The following PTK2B variants were observed in gnomAD, a reference collection of about 807,000 sequenced individuals.
The protein encoded by PTK2B is protein tyrosine kinase 2 beta, also known as protein-tyrosine kinase 2-beta.
Under a neutral mutation model 142.9 loss-of-function variants are expected in PTK2B, and 71 were observed. That is an observed-to-expected ratio of 0.50 (90% CI 0.41 to 0.61). The LOEUF is 0.61. Ranked by LOEUF, PTK2B falls within the 20% of genes least tolerant of loss-of-function variation. The pLI is 0.00. For synonymous variants in PTK2B, 519 were observed against 503.4 expected (o/e 1.03, Z -0.42); for missense variants, 1,105 against 1,320.4 (o/e 0.84, Z 2.53).
In PTK2B at chr8:27,401,193, G is replaced by A. The variant is rs890125448; in HGVS notation, c.204+3405G>A. Among the ~76,000 whole-genome samples, 7 of 152,178 alleles carry A rather than the reference G, an allele frequency of 4.6e-5. No homozygotes were observed. In the South Asian group the frequency reaches 1.0e-3, roughly 23 times the overall value. ...TGGGGAAATCGACTTCTAAAAGGCT[G>A]ATACAGAAAGAGCAGCCAATGAAGG... On this transcript the variant is annotated intron_variant, in intron 2 of 30. Coordinates refer to ENST00000346049, the MANE Select transcript of PTK2B (RefSeq NM_173176.3).
At chr8:27,335,876 A>T (rs925620215) in intron 1 of PTK2B, among the ~76,000 whole-genome samples, 1 of 152,206 alleles carries the variant, frequency 6.6e-6, no homozygotes, top group Non-Finnish European at 1.5e-5. Flanking sequence ...AGCAGATCTT[A>T]GGCAAGAGCC....
At chr8:27,430,488 G>C in intron 7 of PTK2B, 70 bp downstream of exon 7, 1 of 1,587,838 alleles carries the variant, frequency 6.3e-7, no homozygotes. Context: ...GATGAGGCTG[G>C]GGCTGGGGAT....
intron 1 of PTK2B, among the ~76,000 whole-genome samples, chr8:27,344,231 G>A (rs1804583067): frequency 6.6e-6 from 1 of 151,994 alleles, no homozygotes. Context: ...TGATATTATT[G>A]CTCTTTTAAA....
chr8:27,395,909 A>G (rs913130435), intron 1 of PTK2B: 1 of 152,226 alleles, frequency 6.6e-6, no homozygotes, highest in African/African-American at 2.4e-5. Flanking sequence ...ATAGCAGAGT[A>G]TTGACACACA....
chr8:27,437,943 C>G, intron 18 of PTK2B, 63 bp downstream of exon 18: 3 of 1,388,252 alleles, frequency 2.2e-6, no homozygotes, highest in South Asian at 1.2e-5. Context: ...CTCAAGGCCT[C>G]TGGGTAGAAG....
chr8:27,315,448 G>A (rs557452216), intron 3 of PTK2B, among the ~76,000 whole-genome samples: 2 of 152,162 alleles, frequency 1.3e-5, no homozygotes, highest in South Asian at 4.2e-4. Context: ...CCACAAGATG[G>A]GGCTAACAAC....
intron 1 of PTK2B, among the ~76,000 whole-genome samples, chr8:27,341,394 A>C (rs1248242968): frequency 6.6e-6 from 1 of 152,220 alleles, no homozygotes; most frequent in African/African-American, 2.4e-5. Flanking sequence ...AAGATTATCA[A>C]GGAAAAAGTG....
intron 1 of PTK2B, among the ~76,000 whole-genome samples, chr8:27,334,444 G>C (rs903734092): frequency 6.6e-6 from 1 of 152,130 alleles, no homozygotes; most frequent in African/African-American, 2.4e-5. Flanking sequence ...CACTTCACCA[G>C]TCCTACTTAC....
intron 2 of PTK2B, among the ~76,000 whole-genome samples, chr8:27,399,944 G>C (rs1808274306): frequency 1.3e-5 from 2 of 152,190 alleles, no homozygotes; most frequent in African/African-American, 4.8e-5. Flanking sequence ...TGGAGGAGAA[G>C]CACAAAGCAC....
intron 14 of PTK2B, 83 bp downstream of exon 14, chr8:27,435,876 A>G (rs1810745283): frequency 6.7e-7 from 1 of 1,482,036 alleles, no homozygotes; most frequent in Non-Finnish European, 9.4e-7. Flanking sequence ...ACCACAGGGA[A>G]CATTCTTTTC....
intron 1 of PTK2B, among the ~76,000 whole-genome samples, chr8:27,335,060 A>G (rs563951100): frequency 6.6e-6 from 1 of 152,346 alleles, no homozygotes; most frequent in Non-Finnish European, 1.5e-5. Context: ...GCCTTGGCAG[A>G]GGGTGCAATG....
chr8:27,450,920 G>A, intron 25 of PTK2B, 25 bp downstream of exon 25: 1 of 1,614,110 alleles, frequency 6.2e-7, no homozygotes, highest in Non-Finnish European at 8.5e-7. Context: ...AAGGATGTCG[G>A]TGCCCTGCAC....
chr8:27,325,378 C>A (rs530740619), upstream of PTK2B: 3 of 152,354 alleles, frequency 2.0e-5, no homozygotes, highest in African/African-American at 7.2e-5. Flanking sequence ...AGATCGCCCC[C>A]CAGGTCTGCC....
intron 2 of PTK2B, among the ~76,000 whole-genome samples, chr8:27,414,269 C>T (rs1554500728): frequency 6.7e-6 from 1 of 150,124 alleles, no homozygotes; most frequent in African/African-American, 2.5e-5. Context: ...TTTTTTGAGA[C>T]AGTCTCACTC....
chr8:27,318,401 C>G (rs1437847864), intron 3 of PTK2B, among the ~76,000 whole-genome samples: 1 of 152,128 alleles, frequency 6.6e-6, no homozygotes, highest in African/African-American at 2.4e-5. Flanking sequence ...CCAGATGAGC[C>G]CACTCACAGG....
At chr8:27,374,595 A>G (rs1806556495) in intron 1 of PTK2B, among the ~76,000 whole-genome samples, 1 of 152,218 alleles carries the variant, frequency 6.6e-6, no homozygotes, top group Admixed American at 6.5e-5. Context: ...CACTGTCCCC[A>G]GTTACCTGGT....
chr8:27,403,749 T>TTGC (rs150857122), intron 2 of PTK2B, among the ~76,000 whole-genome samples: 132 of 151,672 alleles, frequency 8.7e-4, no homozygotes, highest in South Asian at 1.7e-3. Flanking sequence ...TCTTTGGCTC[T>TTGC]TGCTGCTGCT....
At chr8:27,416,728 A>G (rs145550439) in intron 2 of PTK2B, among the ~76,000 whole-genome samples, 1,549 of 152,328 alleles carry the variant, frequency 0.01, 7 homozygotes, top group Middle Eastern at 0.017. Flanking sequence ...AAATACTTTT[A>G]CCTAGAATGT....
chr8:27,329,882 A>G (rs556407659), intron 1 of PTK2B, among the ~76,000 whole-genome samples: 8 of 152,156 alleles, frequency 5.3e-5, no homozygotes, highest in Non-Finnish European at 1.0e-4. Context: ...GATGGAGACA[A>G]TAACAGGGCT....
Sources: allele counts gnomAD v4.1 joint callset (sites outside exome capture counted in the v4.1 genomes callset), GRCh38; gene constraint gnomAD v4.1.1; transcripts MANE v1.5; gene names NCBI Gene and HGNC (gene_info 2026-07-23, HGNC 2026-07-21).